Variants in ROBO2 observed in about 807,000 individuals in gnomAD.
ROBO2 encodes roundabout guidance receptor 2.
Under a neutral mutation model 160.8 loss-of-function variants are expected in ROBO2, and 53 were observed. The ratio of observed to expected loss-of-function variants is 0.33; its 90% CI spans 0.26 to 0.41. ROBO2 has a LOEUF of 0.41. Ranked by LOEUF, ROBO2 falls within the 10% of genes least tolerant of loss-of-function variation. ROBO2 has a pLI of 1.00. For synonymous variants in ROBO2, 664 were observed against 611.7 expected (o/e 1.09, Z -1.26); for missense variants, 1,577 against 1,722.4 (o/e 0.92, Z 1.49).
At chr3:77,317,129 G>T (rs2064081862) in intron 2 of ROBO2, 2 of 1,203,750 alleles carry the variant, frequency 1.7e-6, no homozygotes, top group South Asian at 1.2e-5. Context: ...GAAGGACTTT[G>T]CAGTCTCAAA....
chr3:75,958,557 T>G (rs1576299651), intron 2 of ROBO2, among the ~76,000 whole-genome samples: 1 of 151,794 alleles, frequency 6.6e-6, no homozygotes, highest in East Asian at 2.0e-4. Context: ...TATGAAGGGC[T>G]GAGGATTTCA....
At chr3:76,680,855 A>G (rs2092542864) in intron 2 of ROBO2, among the ~76,000 whole-genome samples, 1 of 152,046 alleles carries the variant, frequency 6.6e-6, no homozygotes, top group Non-Finnish European at 1.5e-5. Flanking sequence ...CGCTCACTAC[A>G]GCCTCTGCTT....
At chr3:76,180,208 T>C (rs549600052) in intron 2 of ROBO2, among the ~76,000 whole-genome samples, 4 of 152,298 alleles carry the variant, frequency 2.6e-5, no homozygotes, top group Admixed American at 1.3e-4. Context: ...AGTAATAATG[T>C]CCATCCCTCA....
At chr3:76,183,908 T>C (rs1220497534) in intron 2 of ROBO2, among the ~76,000 whole-genome samples, 1 of 152,188 alleles carries the variant, frequency 6.6e-6, no homozygotes. Flanking sequence ...AATTTGATTT[T>C]GGTAGCAAGT....
chr3:76,198,043 C>T (rs1035852818), intron 2 of ROBO2, among the ~76,000 whole-genome samples: 4 of 152,200 alleles, frequency 2.6e-5, no homozygotes, highest in African/African-American at 4.8e-5. Flanking sequence ...AGCACCCCAA[C>T]CGACTAAACG....
At position 77,574,544 on chromosome 3, in the gene ROBO2, C is replaced by T. The variant is rs767117225; in HGVS notation, c.2017C>T (p.Arg673Cys). 9 of 1,613,232 alleles carry T rather than the reference C, an allele frequency of 5.6e-6. No individual in the cohort carries two copies. In the South Asian group the frequency reaches 8.8e-5, roughly 16 times the overall value. Residue 673 changes from arginine (R) to cysteine (C), a missense_variant, in exon 14 of 26, where the codon CGT (arginine) becomes TGT (cysteine). By Grantham distance (180) the Arg-to-Cys change is radical (BLOSUM62 -3). This residue lies in a region of ROBO2 where 940 missense variants were observed against 1,135.5 expected (regional missense o/e 0.83). Coordinates refer to ENST00000461745, the Ensembl canonical transcript of ROBO2. ...TATCCAAGGCTACCGAGTGATGTATCGTCAGACTTCAGGTCTGCAGGCGAC... is the reference window on the plus strand; with the variant it reads ...TATCCAAGGCTACCGAGTGATGTATTGTCAGACTTCAGGTCTGCAGGCGAC...
Position 76,705,069 on chromosome 3 carries a change from G to A in ROBO2, c.110-392945G>A, listed in dbSNP as rs1175947377. On this transcript the variant is annotated intron_variant, in intron 2 of 26. Transcript: ENST00000487694. ...TTCAACTCTGCCCTTGCAGTGCAAA[G>A]CAGTCACGGACAATAGGTAAGTGAA... Among the ~76,000 whole-genome samples the A allele has an allele frequency of 2.0e-5, 3 of 152,170 alleles. No homozygotes were observed. In the East Asian group the frequency reaches 5.8e-4, roughly 29 times the overall value.
chr3:76,497,158 C>A (rs2080193939), intron 2 of ROBO2, among the ~76,000 whole-genome samples: 2 of 152,148 alleles, frequency 1.3e-5, no homozygotes, highest in African/African-American at 4.8e-5. Flanking sequence ...GTATACTTTT[C>A]TTTGATTGGA....
At chr3:77,071,181 T>A (rs1253819853) in intron 1 of ROBO2, among the ~76,000 whole-genome samples, 1 of 152,170 alleles carries the variant, frequency 6.6e-6, no homozygotes, top group Non-Finnish European at 1.5e-5. Flanking sequence ...TCTGAGGAAA[T>A]ATTTTACATA....
intron 2 of ROBO2, among the ~76,000 whole-genome samples, chr3:77,342,471 G>A (rs969960891): frequency 3.9e-5 from 6 of 152,072 alleles, no homozygotes; most frequent in Non-Finnish European, 8.8e-5. Context: ...GTTGTAGAGA[G>A]AATTCTTCCT....
intron 2 of ROBO2, among the ~76,000 whole-genome samples, chr3:76,123,806 A>T (rs1576953347): frequency 6.6e-6 from 1 of 151,942 alleles, no homozygotes; most frequent in East Asian, 1.9e-4. Flanking sequence ...TTCTTCCTAC[A>T]CCTTGATCCC....
At chr3:76,442,063 C>T (rs530519700) in intron 2 of ROBO2, among the ~76,000 whole-genome samples, 6 of 152,284 alleles carry the variant, frequency 3.9e-5, no homozygotes, top group South Asian at 2.1e-4. Context: ...GTGAATATAA[C>T]GGCCAAAGAC....
intron 19 of ROBO2, among the ~76,000 whole-genome samples, chr3:77,599,778 A>G (rs534062170): frequency 6.6e-6 from 1 of 152,318 alleles, no homozygotes; most frequent in South Asian, 2.1e-4. Context: ...ATTTTATCAA[A>G]GGAAACCATA....
intron 2 of ROBO2, among the ~76,000 whole-genome samples, chr3:77,396,173 G>A (rs1270235315): frequency 6.6e-6 from 1 of 151,608 alleles, no homozygotes; most frequent in Non-Finnish European, 1.5e-5. Context: ...CTGCTTTCTA[G>A]GTTACTATTT....
intron 2 of ROBO2, among the ~76,000 whole-genome samples, chr3:77,232,492 T>G (rs150664170): frequency 2.1e-4 from 32 of 152,264 alleles, no homozygotes; most frequent in African/African-American, 6.7e-4. Flanking sequence ...TTTGAGGACA[T>G]GGGAAATGAA....
intron 6 of ROBO2, among the ~76,000 whole-genome samples, chr3:77,536,413 C>A (rs1194170765): frequency 6.6e-6 from 1 of 151,618 alleles, no homozygotes; most frequent in Non-Finnish European, 1.5e-5. Context: ...TTTCTCTCTC[C>A]TTCTTTTCTT....
intron 2 of ROBO2, among the ~76,000 whole-genome samples, chr3:77,350,921 G>A (rs2068261545): frequency 6.6e-6 from 1 of 152,096 alleles, no homozygotes; most frequent in East Asian, 1.9e-4. Context: ...CACACACTTG[G>A]TGGCTTTCTG....
chr3:76,710,085 C>T (rs149468190), intron 2 of ROBO2, among the ~76,000 whole-genome samples: 26 of 151,498 alleles, frequency 1.7e-4, no homozygotes, highest in African/African-American at 6.0e-4. Flanking sequence ...GTGGCTGAGG[C>T]CTGCCCCTCT....
intron 21 of ROBO2, among the ~76,000 whole-genome samples, chr3:77,612,952 CAAAAAAAAAG>C (rs991595244): frequency 1.4e-5 from 2 of 142,212 alleles, no homozygotes; most frequent in African/African-American, 5.2e-5. Flanking sequence ...GACTCCGTCT[CAAAAAAAAAG>C]AAAAAAAATA....
Sources: allele counts gnomAD v4.1 joint callset (sites outside exome capture counted in the v4.1 genomes callset), GRCh38; gene constraint gnomAD v4.1.1; regional missense constraint gnomAD v4.1.1; transcripts MANE v1.5; gene names NCBI Gene and HGNC (gene_info 2026-07-23, HGNC 2026-07-21).